Variants in SCAND3 observed in about 807,000 individuals in gnomAD.
SCAND3 encodes SCAN domain containing 3.
chr6:28,602,662 T>G, the SCAND3 span, among the ~76,000 whole-genome samples: 1 of 152,240 alleles, frequency 6.6e-6, no homozygotes, highest in Non-Finnish European at 1.5e-5. Flanking sequence ...CTGTTTTATA[T>G]TAACTTTATA....
the SCAND3 span, among the ~76,000 whole-genome samples, chr6:28,583,405 C>A: frequency 6.6e-6 from 1 of 151,776 alleles, no homozygotes; most frequent in African/African-American, 2.4e-5. Context: ...AAACAAACAA[C>A]AACAACAACA....
At chr6:28,615,800 A>C in the SCAND3 span, among the ~76,000 whole-genome samples, 6 of 152,100 alleles carry the variant, frequency 3.9e-5, no homozygotes, top group Non-Finnish European at 7.4e-5. Flanking sequence ...CCACTGAACA[A>C]ACGTGTATGT....
At chr6:28,581,295 G>A in the SCAND3 span, among the ~76,000 whole-genome samples, 3 of 152,110 alleles carry the variant, frequency 2.0e-5, no homozygotes, top group Non-Finnish European at 4.4e-5. Context: ...CCAAGATCGT[G>A]CCACTGCCCT....
the SCAND3 span, chr6:28,590,706 G>T: frequency 6.6e-6 from 1 of 151,978 alleles, no homozygotes; most frequent in South Asian, 2.1e-4. Flanking sequence ...AAACCAAATC[G>T]AATCCTACTT....
the SCAND3 span, chr6:28,591,701 C>T: frequency 6.6e-6 from 1 of 152,164 alleles, no homozygotes; most frequent in Non-Finnish European, 1.5e-5. Context: ...TATTTAATTT[C>T]TCTCCCCTAT....
the SCAND3 span, among the ~76,000 whole-genome samples, chr6:28,605,647 C>T: frequency 9.0e-5 from 12 of 132,790 alleles, no homozygotes; most frequent in African/African-American, 1.9e-4. Flanking sequence ...GCCTGGCCAA[C>T]ATGGTGAAAC....
chr6:28,584,769 A>G, the SCAND3 span, among the ~76,000 whole-genome samples: 2 of 152,156 alleles, frequency 1.3e-5, no homozygotes, highest in East Asian at 3.8e-4. Flanking sequence ...TGAGGGGAAA[A>G]TGTCTTTGCA....
the SCAND3 span, among the ~76,000 whole-genome samples, chr6:28,606,717 T>C: frequency 6.6e-6 from 1 of 152,168 alleles, no homozygotes; most frequent in Non-Finnish European, 1.5e-5. Context: ...CACCACTAAG[T>C]GTTCAGTGGA....
At chr6:28,610,811 T>C in the SCAND3 span, among the ~76,000 whole-genome samples, 2 of 152,194 alleles carry the variant, frequency 1.3e-5, no homozygotes, top group African/African-American at 4.8e-5. Flanking sequence ...CTCAGTCTGT[T>C]AGAAAAACAA....
the SCAND3 span, among the ~76,000 whole-genome samples, chr6:28,610,259 C>T: frequency 1.3e-5 from 2 of 152,114 alleles, no homozygotes; most frequent in African/African-American, 2.4e-5. Context: ...TGGTGGCTCA[C>T]GCCTGTAATC....
chr6:28,593,999 C>G, the SCAND3 span, among the ~76,000 whole-genome samples: 4 of 152,168 alleles, frequency 2.6e-5, no homozygotes, highest in Non-Finnish European at 5.9e-5. Flanking sequence ...GGATTACAGA[C>G]GTGACCCACC....
the SCAND3 span, among the ~76,000 whole-genome samples, chr6:28,607,235 T>G: frequency 2.0e-5 from 3 of 152,196 alleles, no homozygotes; most frequent in Admixed American, 1.3e-4. Flanking sequence ...CCACCAGTTT[T>G]GGGAGTGCGC....
At chr6:28,589,423 A>AT in the SCAND3 span, 1 of 151,650 alleles carries the variant, frequency 6.6e-6, no homozygotes. Flanking sequence ...TGAATCCAGC[A>AT]ATCCGAGTTC....
the SCAND3 span, chr6:28,589,459 T>TG: frequency 6.7e-6 from 1 of 149,444 alleles, no homozygotes; most frequent in Admixed American, 6.6e-5. Flanking sequence ...CTTTCAAAGG[T>TG]GAACGTTTTA....
the SCAND3 span, chr6:28,572,539 G>A: frequency 1.2e-6 from 2 of 1,613,940 alleles, no homozygotes; most frequent in South Asian, 2.2e-5. The surrounding 1 kb of genome is among the most constrained non-coding windows in gnomAD (Gnocchi z 4.1). Context: ...TTGCATAGAA[G>A]CATTAAGATC....
the SCAND3 span, chr6:28,575,521 T>C: frequency 2.5e-6 from 4 of 1,613,742 alleles, no homozygotes; most frequent in Middle Eastern, 1.6e-4. This position sits in a 1 kb window ranked among gnomAD's most constrained non-coding sequence, Gnocchi z 4.2. Flanking sequence ...ATCTTGATAA[T>C]GCAAAATAAA....
At chr6:28,607,829 A>G in the SCAND3 span, among the ~76,000 whole-genome samples, 1 of 152,222 alleles carries the variant, frequency 6.6e-6, no homozygotes, top group Non-Finnish European at 1.5e-5. Context: ...TTGCTGAAAT[A>G]GCTTAGTGGG....
At chr6:28,605,570 A>C in the SCAND3 span, among the ~76,000 whole-genome samples, 3 of 151,988 alleles carry the variant, frequency 2.0e-5, no homozygotes, top group Admixed American at 6.6e-5. Context: ...GCAGTGGCTC[A>C]TGCCTGTAAT....
At chr6:28,594,735 G>A in the SCAND3 span, among the ~76,000 whole-genome samples, 1 of 152,084 alleles carries the variant, frequency 6.6e-6, no homozygotes, top group Non-Finnish European at 1.5e-5. Flanking sequence ...TTCACAATGA[G>A]GATGAACCTG....
Sources: allele counts gnomAD v4.1 joint callset (sites outside exome capture counted in the v4.1 genomes callset), GRCh38; gene constraint gnomAD v4.1.1; non-coding constraint Gnocchi (gnomAD v3.1); transcripts MANE v1.5; gene names NCBI Gene and HGNC (gene_info 2026-07-23, HGNC 2026-07-21).